Variants in MCC observed in about 807,000 individuals in gnomAD.
MCC encodes MCC regulator of Wnt signaling pathway, also known as colorectal mutant cancer protein.
In MCC, 90 loss-of-function variants were observed where a neutral mutation model predicts 116.2. The observed-to-expected ratio is 0.77, with a 90% CI of 0.65 to 0.92. MCC has a LOEUF of 0.92. Ranked by LOEUF, MCC falls within the 40% of genes least tolerant of loss-of-function variation. The probability of loss-of-function intolerance (pLI) is 0.00; values close to 1 mark genes in which losing one functional copy is unlikely to be tolerated. For synonymous variants in MCC, 578 were observed against 510.5 expected (o/e 1.13, Z -1.78); for missense variants, 1,516 against 1,312.2 (o/e 1.16, Z -2.40).
intron 3 of MCC, among the ~76,000 whole-genome samples, chr5:113,153,667 T>G (rs1241738762): frequency 6.6e-6 from 1 of 152,216 alleles, no homozygotes; most frequent in African/African-American, 2.4e-5. Context: ...GATGCATGCA[T>G]ATTTTCCACC....
intron 3 of MCC, among the ~76,000 whole-genome samples, chr5:113,242,603 C>G (rs1315721365): frequency 1.3e-5 from 2 of 152,046 alleles, no homozygotes; most frequent in East Asian, 3.9e-4. Context: ...AATGAAGCAG[C>G]TGCCCAAAAA....
At chr5:113,270,112 G>T (rs114452289) in intron 3 of MCC, among the ~76,000 whole-genome samples, 2,164 of 152,266 alleles carry the variant, frequency 0.014, 58 homozygotes, top group African/African-American at 0.049. Flanking sequence ...GTACCTACAG[G>T]AGGTAGATCT....
rs566386186 is a variant in MCC, at chr5:113,104,175, G to C, written c.1191+17C>G. On this transcript the variant is annotated intron_variant, in intron 7 of 18. Coordinates refer to ENST00000408903, the MANE Select transcript of MCC (RefSeq NM_001085377.2). ...TCAGAACCTCAAAGGGCCTCACAGA[G>C]GGTGAGGAAGGTCTACCTTAATAGC... 12 of 1,594,360 alleles carry C rather than the reference G, an allele frequency of 7.5e-6. 1 individual carries two copies. The South Asian group carries it at 1.2e-4, about 16-fold the overall frequency.
chr5:113,309,299 T>C (rs752504382), intron 3 of MCC, among the ~76,000 whole-genome samples: 2 of 152,218 alleles, frequency 1.3e-5, no homozygotes, highest in Non-Finnish European at 2.9e-5. Context: ...ACTCAAATAG[T>C]GTACACTGTA....
chr5:113,394,204 T>G (rs993117658), intron 1 of MCC, among the ~76,000 whole-genome samples: 9 of 152,160 alleles, frequency 5.9e-5, no homozygotes, highest in Non-Finnish European at 1.3e-4. Context: ...GGATGTTTCT[T>G]TCTTGGTTAT....
chr5:113,105,099 C>T (rs912376467), intron 6 of MCC, among the ~76,000 whole-genome samples: 1 of 152,200 alleles, frequency 6.6e-6, no homozygotes, highest in Non-Finnish European at 1.5e-5. Flanking sequence ...GAAAACTCCC[C>T]TTAAAGTCAA....
chr5:113,338,684 G>A (rs114342935), intron 3 of MCC, among the ~76,000 whole-genome samples: 2 of 152,214 alleles, frequency 1.3e-5, no homozygotes, highest in African/African-American at 2.4e-5. Flanking sequence ...TAGTACAGAG[G>A]AGGGTTCAAC....
At chr5:113,308,936 G>T (rs1000981236) in intron 3 of MCC, among the ~76,000 whole-genome samples, 1 of 152,146 alleles carries the variant, frequency 6.6e-6, no homozygotes, top group African/African-American at 2.4e-5. Context: ...CACAACCAAG[G>T]TTTCTAAAAT....
intron 2 of MCC, among the ~76,000 whole-genome samples, chr5:113,355,099 G>A (rs182717166): frequency 6.6e-6 from 1 of 151,860 alleles, no homozygotes; most frequent in Non-Finnish European, 1.5e-5. Context: ...ATCCTAATTC[G>A]CATTTTGCCT....
chr5:113,445,910 C>A (rs1265423769), intron 1 of MCC, among the ~76,000 whole-genome samples: 1 of 151,996 alleles, frequency 6.6e-6, no homozygotes. Flanking sequence ...ACACAAAGAC[C>A]AATAGAACAA....
Position 113,023,246 on chromosome 5 carries a change from G to A in MCC, c.*4056C>T, listed in dbSNP as rs1750279975. The A allele has an allele frequency of 6.6e-6, 1 of 152,248 alleles. No homozygotes were observed. 9.4% of individuals were successfully genotyped at this position (152,248 alleles called of 1,614,324 possible). ...TACATGAACATAAGATTTGTAGGAT[G>A]TGGATAAACTTTAAGAACTGGATAG... is the stretch of plus-strand genomic sequence containing the variant. On this transcript the variant is annotated 3_prime_UTR_variant, in exon 19 of 19. Transcript: ENST00000408903.
chr5:113,177,764 G>T (rs1041587801), intron 3 of MCC, among the ~76,000 whole-genome samples: 25 of 152,070 alleles, frequency 1.6e-4, no homozygotes, highest in African/African-American at 6.0e-4. Flanking sequence ...GGCGAATTTT[G>T]TGTTATTTTC....
chr5:113,215,731 G>C lies in MCC; in HGVS notation c.628-64309C>G, dbSNP rs149076206. 2.1e-3 allele frequency among the ~76,000 whole-genome samples: 326 copies of C among 152,292 alleles called. 2 individuals carry two copies. Among genetic ancestry groups the C allele is most frequent in the African/African-American group, 7.5e-3 (310 of 41,564 alleles). ...GGCGCAATGATCTTGGACGTTCCCA[G>C]CTTCCAGAAATAATAAATAACTTTC... On this transcript the variant is annotated intron_variant, in intron 3 of 18. Transcript: ENST00000408903.
At chr5:113,066,592 T>C (rs908905163) in intron 13 of MCC, among the ~76,000 whole-genome samples, 7 of 152,270 alleles carry the variant, frequency 4.6e-5, no homozygotes, top group Non-Finnish European at 1.0e-4. Flanking sequence ...ACACCCAGGA[T>C]ACCTTCCTTC....
intron 17 of MCC, among the ~76,000 whole-genome samples, chr5:113,038,377 C>T (rs1348642551): frequency 6.6e-6 from 1 of 152,034 alleles, no homozygotes; most frequent in Non-Finnish European, 1.5e-5. Flanking sequence ...CCTAAAAGGA[C>T]TCTCTTTCTG....
At chr5:113,451,828 CA>C (rs1419542437) in intron 1 of MCC, among the ~76,000 whole-genome samples, 5 of 152,230 alleles carry the variant, frequency 3.3e-5, no homozygotes, top group Non-Finnish European at 7.4e-5. Flanking sequence ...TGCTGTGTAA[CA>C]AACCAATCTA....
At chr5:113,104,115 C>T (rs1468339334) in intron 7 of MCC, 77 bp downstream of exon 7, 1 of 1,382,140 alleles carries the variant, frequency 7.2e-7, no homozygotes, top group South Asian at 1.4e-5. Context: ...TTTAAGAAAA[C>T]TGCACTTCAA....
At chr5:113,328,226 A>G (rs934148778) in intron 3 of MCC, among the ~76,000 whole-genome samples, 1 of 152,224 alleles carries the variant, frequency 6.6e-6, no homozygotes, top group Admixed American at 6.5e-5. Flanking sequence ...AAATGAGATG[A>G]TGCTGGCAAA....
chr5:113,231,701 A>G (rs1763945980), intron 3 of MCC, among the ~76,000 whole-genome samples: 1 of 152,226 alleles, frequency 6.6e-6, no homozygotes, highest in Non-Finnish European at 1.5e-5. Flanking sequence ...CATGTCTCTA[A>G]GATAGTCGTG....
Sources: allele counts gnomAD v4.1 joint callset (sites outside exome capture counted in the v4.1 genomes callset), GRCh38; gene constraint gnomAD v4.1.1; transcripts MANE v1.5; gene names NCBI Gene and HGNC (gene_info 2026-07-23, HGNC 2026-07-21).